The following PDE4B variants were observed in gnomAD, a reference collection of about 807,000 sequenced individuals.
The protein encoded by PDE4B is phosphodiesterase 4B.
In PDE4B, 20 loss-of-function variants were observed where a neutral mutation model predicts 82.2. The ratio of observed to expected loss-of-function variants is 0.24; its 90% CI spans 0.17 to 0.35. The LOEUF is 0.35. Ranked by LOEUF, PDE4B falls within the 10% of genes least tolerant of loss-of-function variation. The pLI, the probability that PDE4B is intolerant of heterozygous loss-of-function variation, is 1.00. For missense variants in PDE4B, 655 were observed against 907.2 expected, an observed-to-expected ratio of 0.72 and a Z score of 3.57; for synonymous variants, 320 against 318.9, an observed-to-expected ratio of 1.00 and a Z score of -0.04.
chr1:66,015,910 A>G (rs1652749528), intron 3 of PDE4B, among the ~76,000 whole-genome samples: 1 of 152,096 alleles, frequency 6.6e-6, no homozygotes, highest in South Asian at 2.1e-4. Flanking sequence ...TTATTTATTC[A>G]CTTTTCAAAA....
intron 7 of PDE4B, among the ~76,000 whole-genome samples, chr1:66,317,574 T>C (rs940627004): frequency 6.6e-6 from 1 of 152,212 alleles, no homozygotes; most frequent in African/African-American, 2.4e-5. Flanking sequence ...AACTGTTTTT[T>C]TTTTTAAATT....
At chr1:66,009,914 TA>T (rs1652379052) in intron 3 of PDE4B, among the ~76,000 whole-genome samples, 2 of 138,178 alleles carry the variant, frequency 1.4e-5, no homozygotes, top group Admixed American at 7.0e-5. Context: ...TTTATCTATC[TA>T]TCTATCTATC....
chr1:65,973,159 T>A (rs1650233597), intron 3 of PDE4B, among the ~76,000 whole-genome samples: 1 of 152,124 alleles, frequency 6.6e-6, no homozygotes, highest in Non-Finnish European at 1.5e-5. Context: ...CTTAAAGTGG[T>A]CCCATTTCCA....
chr1:66,342,434 G>A (rs1209230777), intron 8 of PDE4B, among the ~76,000 whole-genome samples: 1 of 151,892 alleles, frequency 6.6e-6, no homozygotes, highest in Admixed American at 6.6e-5. Flanking sequence ...AAGTGACTGG[G>A]CGCAGTGGCT....
At chr1:66,186,060 C>G (rs1312441740) in intron 3 of PDE4B, among the ~76,000 whole-genome samples, 7 of 152,138 alleles carry the variant, frequency 4.6e-5, no homozygotes, top group Non-Finnish European at 1.0e-4. Flanking sequence ...ATATGGCTAG[C>G]CAGTTTTCCC....
intron 3 of PDE4B, among the ~76,000 whole-genome samples, chr1:66,138,886 C>T (rs1646113814): frequency 6.6e-6 from 1 of 152,160 alleles, no homozygotes; most frequent in Non-Finnish European, 1.5e-5. Flanking sequence ...TCTACTAACA[C>T]TGAACTCCAA....
chr1:65,839,185 A>G (rs1646178658), intron 1 of PDE4B, among the ~76,000 whole-genome samples: 1 of 151,990 alleles, frequency 6.6e-6, no homozygotes, highest in African/African-American at 2.4e-5. Flanking sequence ...CCAAGATTAG[A>G]TCTTTTGTTA....
At chr1:66,200,329 G>A (rs995169307) in intron 3 of PDE4B, among the ~76,000 whole-genome samples, 9 of 152,114 alleles carry the variant, frequency 5.9e-5, no homozygotes, top group Non-Finnish European at 1.2e-4. Flanking sequence ...GGCGATGAGG[G>A]CTCTTTTTTG....
At chr1:65,815,695 A>T (rs981375843) in intron 1 of PDE4B, among the ~76,000 whole-genome samples, 3 of 152,224 alleles carry the variant, frequency 2.0e-5, no homozygotes, top group Admixed American at 1.3e-4. Context: ...AGCTAAAAAA[A>T]TTTAAACTGA....
At chr1:66,200,376 T>C (rs1477378596) in intron 3 of PDE4B, among the ~76,000 whole-genome samples, 1 of 152,334 alleles carries the variant, frequency 6.6e-6, no homozygotes, top group South Asian at 2.1e-4. Flanking sequence ...TTTCCAATTC[T>C]GTGAAGAAAG....
intron 3 of PDE4B, among the ~76,000 whole-genome samples, chr1:66,086,866 A>G (rs1657032243): frequency 6.6e-6 from 1 of 152,174 alleles, no homozygotes; most frequent in African/African-American, 2.4e-5. Context: ...TGTGACAAAG[A>G]TAATAATAGA....
intron 3 of PDE4B, among the ~76,000 whole-genome samples, chr1:65,940,974 T>C (rs1648413188): frequency 6.6e-6 from 1 of 151,626 alleles, no homozygotes; most frequent in Non-Finnish European, 1.5e-5. Context: ...ACCCACCATA[T>C]AGATTTAACA....
intron 3 of PDE4B, among the ~76,000 whole-genome samples, chr1:66,015,451 C>A: frequency 6.6e-6 from 1 of 152,046 alleles, no homozygotes; most frequent in Non-Finnish European, 1.5e-5. Flanking sequence ...AGCTGGAGTA[C>A]ACGACTTCAG....
intron 3 of PDE4B, among the ~76,000 whole-genome samples, chr1:66,229,815 G>A (rs2101629038): frequency 6.6e-6 from 1 of 152,038 alleles, no homozygotes; most frequent in South Asian, 2.1e-4. Context: ...AATCCTCACA[G>A]CAAGCTTTTA....
At chr1:66,234,975 G>T (rs1041512259) in intron 3 of PDE4B, among the ~76,000 whole-genome samples, 1 of 152,102 alleles carries the variant, frequency 6.6e-6, no homozygotes, top group Admixed American at 6.5e-5. Flanking sequence ...TTGTCATTCA[G>T]TTCAAAATAC....
intron 3 of PDE4B, among the ~76,000 whole-genome samples, chr1:66,154,600 A>G (rs933889941): frequency 1.3e-5 from 2 of 152,222 alleles, no homozygotes; most frequent in African/African-American, 4.8e-5. Flanking sequence ...TTTGCAATAC[A>G]TGATCTGAAG....
At chr1:66,289,082 A>G (rs1656884160) in intron 7 of PDE4B, among the ~76,000 whole-genome samples, 1 of 151,164 alleles carries the variant, frequency 6.6e-6, no homozygotes, top group South Asian at 2.1e-4. Context: ...TGGGCAACAT[A>G]TACCTGGGTC....
chr1:65,964,577 C>G (rs1010617201), intron 3 of PDE4B, among the ~76,000 whole-genome samples: 3 of 152,146 alleles, frequency 2.0e-5, no homozygotes, highest in Non-Finnish European at 2.9e-5. Context: ...GGACATGAGT[C>G]TAAGTAATAG....
intron 3 of PDE4B, among the ~76,000 whole-genome samples, chr1:66,074,809 G>A (rs1354645101): frequency 6.6e-6 from 1 of 152,114 alleles, no homozygotes; most frequent in Non-Finnish European, 1.5e-5. Context: ...GTATATGTCA[G>A]TACTTCATTC....
Sources: allele counts gnomAD v4.1 joint callset (sites outside exome capture counted in the v4.1 genomes callset), GRCh38; gene constraint gnomAD v4.1.1; transcripts MANE v1.5; gene names NCBI Gene and HGNC (gene_info 2026-07-23, HGNC 2026-07-21).